Variants in ASTN2 observed in about 807,000 individuals in gnomAD.
ASTN2 encodes astrotactin-2.
In ASTN2, 54 loss-of-function variants were observed where a neutral mutation model predicts 139.8. That is an observed-to-expected ratio of 0.39 (90% CI 0.31 to 0.48). ASTN2 has a LOEUF of 0.48. Among genes scored for constraint, ASTN2 ranks in the 20% least tolerant of loss-of-function variants. The pLI is 0.95. For synonymous variants in ASTN2, 756 were observed against 719.5 expected (o/e 1.05, Z -0.81); for missense variants, 1,565 against 1,725.1 (o/e 0.91, Z 1.64).
At chr9:117,001,207 A>C (rs1206796550) in intron 7 of ASTN2, among the ~76,000 whole-genome samples, 1 of 152,208 alleles carries the variant, frequency 6.6e-6, no homozygotes, top group East Asian at 1.9e-4. Context: ...AATGATAACC[A>C]GTGCTTTGAC....
chr9:117,319,091 G>A (rs1017426312), intron 1 of ASTN2, among the ~76,000 whole-genome samples: 30 of 152,138 alleles, frequency 2.0e-4, no homozygotes, highest in Non-Finnish European at 3.7e-4. Context: ...CATTTATTCC[G>A]ATAAGATTGA....
chr9:117,081,044 A>G (rs1198202836), intron 5 of ASTN2, among the ~76,000 whole-genome samples: 4 of 152,184 alleles, frequency 2.6e-5, no homozygotes, highest in African/African-American at 9.6e-5. Flanking sequence ...TCTAAAGTCT[A>G]CTCCAATTAG....
intron 19 of ASTN2, among the ~76,000 whole-genome samples, chr9:116,573,108 T>A (rs1242947578): frequency 6.6e-6 from 1 of 152,150 alleles, no homozygotes. Context: ...GGTTTGAGAA[T>A]ATACACATTT....
chr9:117,025,229 A>G (rs1202194831), intron 6 of ASTN2, among the ~76,000 whole-genome samples: 1 of 152,180 alleles, frequency 6.6e-6, no homozygotes, highest in Non-Finnish European at 1.5e-5. Flanking sequence ...TGAGATGCCC[A>G]AGGAGGAGAA....
chr9:116,710,452 A>G (rs1051151850), intron 16 of ASTN2, among the ~76,000 whole-genome samples: 3 of 151,732 alleles, frequency 2.0e-5, no homozygotes, highest in Non-Finnish European at 4.4e-5. Flanking sequence ...ATTTCAGACC[A>G]GGTGCAGTGA....
chr9:116,649,147 CT>C (rs1436882913), intron 17 of ASTN2, among the ~76,000 whole-genome samples: 7 of 152,306 alleles, frequency 4.6e-5, no homozygotes, highest in African/African-American at 1.7e-4. Flanking sequence ...ATCCTGTCTC[CT>C]ATGTTCATCA....
At chr9:116,806,549 T>C (rs1831034962) in intron 12 of ASTN2, among the ~76,000 whole-genome samples, 1 of 152,190 alleles carries the variant, frequency 6.6e-6, no homozygotes, top group African/African-American at 2.4e-5. Flanking sequence ...TCTATGAGTG[T>C]CTACCTTTTC....
intron 11 of ASTN2, among the ~76,000 whole-genome samples, chr9:116,856,029 T>G (rs952540885): frequency 1.3e-5 from 2 of 152,202 alleles, no homozygotes; most frequent in African/African-American, 4.8e-5. Context: ...CCTATTTGAC[T>G]AGAGGATACT....
chr9:116,813,109 A>G (rs909290324), intron 12 of ASTN2, among the ~76,000 whole-genome samples: 3 of 152,166 alleles, frequency 2.0e-5, no homozygotes, highest in African/African-American at 4.8e-5. Context: ...CAGAAATTCT[A>G]AAGAGTGTAG....
At chr9:117,002,802 G>C (rs1056303802) in intron 7 of ASTN2, among the ~76,000 whole-genome samples, 4 of 152,176 alleles carry the variant, frequency 2.6e-5, no homozygotes, top group African/African-American at 9.6e-5. Flanking sequence ...AAAGTTTACA[G>C]TCTGGTGATA....
intron 1 of ASTN2, among the ~76,000 whole-genome samples, chr9:117,314,201 G>A (rs527806936): frequency 6.6e-6 from 1 of 152,214 alleles, no homozygotes; most frequent in South Asian, 2.1e-4. Context: ...TCACTCACAG[G>A]TAGACACACA....
At position 116,487,131 on chromosome 9, in the gene ASTN2, TA is replaced by T. The variant is rs1196170281; in HGVS notation, c.3497+227del. 2.6e-5 allele frequency among the ~76,000 whole-genome samples: 4 copies of T among 152,288 alleles called. No individual in the cohort carries two copies. In the East Asian group the frequency reaches 5.8e-4, roughly 22 times the overall value. ...TTCTAATCAGTAGAAGGAATGGTTTTAAATTTCTGGCCTCTCTGGGCACTTC... is the reference window on the plus strand; with the variant it reads ...TTCTAATCAGTAGAAGGAATGGTTTTAATTTCTGGCCTCTCTGGGCACTTC... On this transcript the variant is annotated intron_variant, in intron 20 of 22. Coordinates refer to ENST00000313400, the MANE Select transcript of ASTN2 (RefSeq NM_001365068.1).
chr9:116,815,816 A>AAAAAAAAAAAAAC (rs1564283204), intron 12 of ASTN2, among the ~76,000 whole-genome samples: 16 of 141,054 alleles, frequency 1.1e-4, no homozygotes, highest in African/African-American at 4.7e-4. Flanking sequence ...AAAAAAAAAA[A>AAAAAAAAAAAAAC]AAAAAAAAAA....
intron 13 of ASTN2, among the ~76,000 whole-genome samples, chr9:116,768,736 G>A (rs1487142410): frequency 2.6e-5 from 4 of 152,206 alleles, no homozygotes; most frequent in Non-Finnish European, 5.9e-5. Flanking sequence ...GGCACTGTCT[G>A]TGAGCTAGAA....
At chr9:116,694,586 G>A (rs537393304) in intron 16 of ASTN2, among the ~76,000 whole-genome samples, 5 of 148,890 alleles carry the variant, frequency 3.4e-5, no homozygotes, top group East Asian at 4.0e-4. Flanking sequence ...TCAGCCTCCC[G>A]AGTAGCTGGG....
intron 4 of ASTN2, among the ~76,000 whole-genome samples, chr9:117,123,203 G>A (rs770433355): frequency 2.0e-5 from 3 of 151,980 alleles, no homozygotes; most frequent in Non-Finnish European, 4.4e-5. Context: ...CTGATGCTGC[G>A]TGTTCAGGAG....
chr9:117,168,645 T>C (rs1830722252), intron 3 of ASTN2, among the ~76,000 whole-genome samples: 1 of 152,146 alleles, frequency 6.6e-6, no homozygotes, highest in South Asian at 2.1e-4. Context: ...AGGGACCTCA[T>C]GTTAGAAATT....
At chr9:116,737,617 G>GTGTC (rs1315504205) in intron 13 of ASTN2, among the ~76,000 whole-genome samples, 1 of 106,062 alleles carries the variant, frequency 9.4e-6, no homozygotes, top group Non-Finnish European at 2.2e-5. Context: ...CAACGTGTGT[G>GTGTC]TGTGTGTGTG....
At chr9:116,657,598 T>G (rs551932774) in intron 16 of ASTN2, among the ~76,000 whole-genome samples, 2 of 152,320 alleles carry the variant, frequency 1.3e-5, no homozygotes, top group Non-Finnish European at 2.9e-5. Context: ...CCCAATACTT[T>G]GGGAGGCCAA....
Sources: gnomAD v4.1 joint callset for allele counts (sites outside exome capture counted in the v4.1 genomes callset) on GRCh38, gnomAD v4.1.1 for gene constraint, MANE v1.5 for transcripts, NCBI Gene and HGNC (gene_info 2026-07-23, HGNC 2026-07-21) for gene names.